CNOT6: variants seen among roughly 807,000 people sequenced by gnomAD.
CNOT6 encodes CCR4-NOT transcription complex subunit 6.
Under a neutral mutation model 61.2 loss-of-function variants are expected in CNOT6, and 12 were observed. The ratio of observed to expected loss-of-function variants is 0.20; its 90% CI spans 0.13 to 0.32. The LOEUF is 0.32. CNOT6 is among the 10% of genes least tolerant of loss of function. CNOT6 has a pLI of 1.00. For missense variants in CNOT6, 405 were observed against 663.9 expected (o/e 0.61, Z 4.28); for synonymous variants, 225 against 240.6 (o/e 0.94, Z 0.60).
chr5:180,553,406 A>G lies in CNOT6; in HGVS notation c.320A>G (p.Asn107Ser). 1.2e-6 allele frequency: 2 copies of G among 1,613,754 alleles called. No homozygotes were observed. Among genetic ancestry groups the G allele is most frequent in the Non-Finnish European group, 1.7e-6 (2 of 1,179,804 alleles). ...VSLRELHLNN[N>S]LLRVLPFELG... ...AACAGGGAGCTCCATTTAAATAACA[A>G]CCTGTTACGAGTTCTACCTTTTGAG... The change falls in exon 4 of 12, where the codon AAC becomes AGC. Residue 107 changes from asparagine (N) to serine (S), a missense_variant. Asn to Ser is a conservative substitution (Grantham distance 46). Around this residue, in one of 5 missense-constraint regions of CNOT6, gnomAD observed 212 missense variants for 307.1 expected, o/e 0.69. Transcript: ENST00000261951.
intron 6 of CNOT6, 148 bp from the exon 7 acceptor site, chr5:180,565,672 C>A: frequency 1.6e-6 from 1 of 614,754 alleles, no homozygotes; most frequent in Non-Finnish European, 2.7e-6. Context: ...TTTATTTATC[C>A]CCCATATGTG....
chr5:180,500,441 CTTTTT>C (rs35457190), intron 1 of CNOT6, among the ~76,000 whole-genome samples: 4 of 126,620 alleles, frequency 3.2e-5, no homozygotes, highest in Non-Finnish European at 5.3e-5. Context: ...CTTTTCTTTT[CTTTTT>C]TTTTTTTTTG....
At chr5:180,558,495 T>G (rs1271799883) in intron 4 of CNOT6, among the ~76,000 whole-genome samples, 3 of 144,760 alleles carry the variant, frequency 2.1e-5, no homozygotes, top group African/African-American at 7.5e-5. Flanking sequence ...GCGCCCTCCT[T>G]CGGCAGAAAC....
intron 2 of CNOT6, among the ~76,000 whole-genome samples, chr5:180,532,154 T>A (rs1195040122): frequency 6.6e-6 from 1 of 152,250 alleles, no homozygotes; most frequent in African/African-American, 2.4e-5. Flanking sequence ...GCACTAATTT[T>A]GTAGTTATTC....
intron 2 of CNOT6, among the ~76,000 whole-genome samples, chr5:180,540,820 C>T (rs1758993320): frequency 6.6e-6 from 1 of 152,078 alleles, no homozygotes. Flanking sequence ...GTGTAAGTCT[C>T]AAAATACATT....
Position 180,571,089 on chromosome 5 carries a change from T to G in CNOT6, c.1259-141T>G, listed in dbSNP as rs1760725803. 4.8e-6 allele frequency: 3 copies of G among 629,284 alleles called. No homozygotes were observed. In the African/African-American group the frequency reaches 5.5e-5, roughly 12 times the overall value. The allele number at this position is 629,284 out of a possible 1,614,324, so 39.0% of individuals were successfully genotyped here. ...TGATGACAACTGTGTAAAAATAGATTTGGGCAAGTCCTGGCAAATGTAAAA... is the reference window on the plus strand; with the variant it reads ...TGATGACAACTGTGTAAAAATAGATGTGGGCAAGTCCTGGCAAATGTAAAA... On this transcript the variant is annotated intron_variant, in intron 10 of 11. Transcript: ENST00000261951.
chr5:180,498,165 G>A (rs1175502957), intron 1 of CNOT6, among the ~76,000 whole-genome samples: 1 of 152,122 alleles, frequency 6.6e-6, no homozygotes, highest in African/African-American at 2.4e-5. Context: ...GCGAGGTGGG[G>A]GGTTATTTGA....
chr5:180,571,758 G>A (rs934339099), intron 11 of CNOT6, among the ~76,000 whole-genome samples: 9 of 152,028 alleles, frequency 5.9e-5, no homozygotes, highest in African/African-American at 2.2e-4. Flanking sequence ...TAGAGATGGG[G>A]TCTCGCTATG....
chr5:180,570,850 A>G (rs1046808611), intron 10 of CNOT6, among the ~76,000 whole-genome samples: 3 of 152,224 alleles, frequency 2.0e-5, no homozygotes, highest in African/African-American at 7.2e-5. Flanking sequence ...TATACCAAGT[A>G]AATAATTGAG....
chr5:180,537,804 C>T (rs1418985008), intron 2 of CNOT6, among the ~76,000 whole-genome samples: 12 of 141,952 alleles, frequency 8.5e-5, no homozygotes, highest in African/African-American at 2.3e-4. Flanking sequence ...CTTTCTCTCT[C>T]TTTTTTTTTT....
At chr5:180,512,898 A>G (rs1419198995) in intron 1 of CNOT6, among the ~76,000 whole-genome samples, 2 of 150,854 alleles carry the variant, frequency 1.3e-5, no homozygotes, top group East Asian at 2.0e-4. Context: ...GCACCCAGCC[A>G]TTTATTTATT....
At chr5:180,532,242 C>T (rs911102624) in intron 2 of CNOT6, among the ~76,000 whole-genome samples, 1 of 152,180 alleles carries the variant, frequency 6.6e-6, no homozygotes, top group African/African-American at 2.4e-5. Flanking sequence ...ATTTACCTCT[C>T]CTTTTTTCAG....
chr5:180,547,243 G>A (rs747621989), intron 2 of CNOT6, among the ~76,000 whole-genome samples: 29 of 152,194 alleles, frequency 1.9e-4, no homozygotes, highest in Non-Finnish European at 3.8e-4. Flanking sequence ...CTCCTGGCCA[G>A]GCGCTGTGCC....
At chr5:180,509,405 A>G (rs575043633) in intron 1 of CNOT6, among the ~76,000 whole-genome samples, 14 of 151,944 alleles carry the variant, frequency 9.2e-5, no homozygotes, top group African/African-American at 2.4e-4. Context: ...CTGGGATTAC[A>G]GTTGTGAGCC....
chr5:180,572,508 A>T (rs1344431793), intron 11 of CNOT6, among the ~76,000 whole-genome samples: 2 of 151,770 alleles, frequency 1.3e-5, no homozygotes, highest in Non-Finnish European at 2.9e-5. Context: ...ACCATTTTTA[A>T]CGTTAGTGAT....
chr5:180,569,906 A>C (rs1201733520), intron 10 of CNOT6, among the ~76,000 whole-genome samples: 1 of 152,238 alleles, frequency 6.6e-6, no homozygotes. Flanking sequence ...TACAATAAAC[A>C]GTAGCCCTTG....
rs902032038 is a variant in CNOT6, at chr5:180,565,732, T to A, written c.560-88T>A. On this transcript the variant is annotated intron_variant, in intron 6 of 11. Coordinates refer to ENST00000261951, the MANE Select transcript of CNOT6 (RefSeq NM_001370472.1). Reference sequence around the variant, plus strand: ...ATAGATTGAATGAATACGGTCAAACTTAACATTTAAGTGAAAACCATTACT... The same window carrying A: ...ATAGATTGAATGAATACGGTCAAACATAACATTTAAGTGAAAACCATTACT... 16 of 1,273,422 alleles carry A rather than the reference T, an allele frequency of 1.3e-5. No homozygotes were observed. The Admixed American group carries it at 3.5e-4, about 28-fold the overall frequency. The allele number at this position is 1,273,422 out of a possible 1,614,324, so 78.9% of individuals were successfully genotyped here. A position where few individuals can be genotyped will look rare whatever the true frequency, so the allele number is the denominator to read the frequency against.
intron 3 of CNOT6, among the ~76,000 whole-genome samples, 170 bp from the exon 4 acceptor site, chr5:180,553,216 G>GCTTT (rs1561657187): frequency 3.6e-4 from 53 of 146,156 alleles, no homozygotes; most frequent in African/African-American, 1.1e-3. Flanking sequence ...TTCTCTGGCA[G>GCTTT]TTTTTTTTTT....
chr5:180,576,550 T>G lies in CNOT6; in HGVS notation c.*2350T>G, dbSNP rs1761007591. On this transcript the variant is annotated 3_prime_UTR_variant, in exon 12 of 12. Transcript: ENST00000261951. Reference sequence around the variant, plus strand: ...ATGTCTTGAAAATACTTGTTTTGCCTCTTCCAGGCATACTGCATTCTGTGG... The same window carrying G: ...ATGTCTTGAAAATACTTGTTTTGCCGCTTCCAGGCATACTGCATTCTGTGG... 1 of 152,670 alleles carries G rather than the reference T, an allele frequency of 6.6e-6. No homozygotes were observed. Among genetic ancestry groups the G allele is most frequent in the East Asian group, 1.9e-4 (1 of 5,192 alleles). 9.5% of individuals were successfully genotyped at this position (152,670 alleles called of 1,614,324 possible).
Sources: gnomAD v4.1 joint callset for allele counts (sites outside exome capture counted in the v4.1 genomes callset) on GRCh38, gnomAD v4.1.1 for gene constraint, gnomAD v4.1.1 regional missense constraint, MANE v1.5 for transcripts, NCBI Gene and HGNC (gene_info 2026-07-23, HGNC 2026-07-21) for gene names.